The following INCENP variants were observed in gnomAD, a reference collection of about 807,000 sequenced individuals.
INCENP encodes inner centromere protein, also known as binds and activates aurora-B and -C in vivo and in vitro.
Under a neutral mutation model 107.3 loss-of-function variants are expected in INCENP, and 43 were observed. The ratio of observed to expected loss-of-function variants is 0.40; its 90% confidence interval spans 0.31 to 0.52. The LOEUF (loss-of-function observed/expected upper bound fraction) is 0.52. Ranked by LOEUF, INCENP falls within the 20% of genes least tolerant of loss-of-function variation. The pLI is 0.53. For synonymous variants in INCENP, 488 were observed against 494.4 expected (o/e 0.99, Z 0.17); for missense variants, 1,089 against 1,250.9 (o/e 0.87, Z 1.95).
At chr11:62,144,824 T>C in intron 11 of INCENP, 158 bp from the exon 12 acceptor site, 1 of 783,620 alleles carries the variant, frequency 1.3e-6, no homozygotes, top group Non-Finnish European at 2.3e-6. Flanking sequence ...TTGGCTTGGG[T>C]GCTGTTGGGG....
chr11:62,137,620 A>G (rs1288158885), intron 4 of INCENP, among the ~76,000 whole-genome samples: 2 of 152,166 alleles, frequency 1.3e-5, no homozygotes, highest in East Asian at 3.9e-4. Flanking sequence ...TGGGAAGACC[A>G]TCTGGGAAGC....
intron 18 of INCENP, 47 bp downstream of exon 18, chr11:62,150,254 C>T: frequency 6.3e-7 from 1 of 1,599,818 alleles, no homozygotes. Context: ...CCTCCCTGGT[C>T]CTCACCTTGA....
At chr11:62,144,317 G>A (rs1944188674) in intron 11 of INCENP, among the ~76,000 whole-genome samples, 1 of 139,834 alleles carries the variant, frequency 7.2e-6, no homozygotes, top group Admixed American at 7.6e-5. Context: ...GGGTGACAGA[G>A]CAGACTCTGT....
intron 11 of INCENP, 174 bp downstream of exon 11, chr11:62,141,685 T>C: frequency 1.2e-6 from 1 of 842,230 alleles, no homozygotes; most frequent in African/African-American, 1.7e-5. Flanking sequence ...CGCCCAGCAG[T>C]TCTGGGCCCC....
Position 62,152,158 on chromosome 11 carries a change from C to G in INCENP, c.*182C>G, listed in dbSNP as rs907923807. The G allele has an allele frequency of 9.8e-5, 5 of 51,250 alleles. No homozygotes were observed. The highest frequency in any genetic ancestry group is 4.8e-4 in the African/African-American group (5 of 10,472). The allele number at this position is 51,250 out of a possible 1,614,324, so 3.2% of individuals were successfully genotyped here. A position where few individuals can be genotyped will look rare whatever the true frequency, so the allele number is the denominator to read the frequency against. The stretch of plus-strand genomic sequence containing the variant: ...CTGCAGGTGGCAGGTGGCCCCAGGC[C>G]TGTTTGGAGGATGGGCTGGGTGGGT... On this transcript the variant is annotated 3_prime_UTR_variant, in exon 19 of 19. Coordinates refer to ENST00000394818, the MANE Select transcript of INCENP (RefSeq NM_001040694.2).
intron 11 of INCENP, among the ~76,000 whole-genome samples, chr11:62,143,647 G>A (rs1383341467): frequency 6.6e-6 from 1 of 152,178 alleles, no homozygotes; most frequent in Non-Finnish European, 1.5e-5. Flanking sequence ...TCCGTCTTTG[G>A]GAGGATGGTA....
chr11:62,135,446 G>A (rs775975140), intron 4 of INCENP, among the ~76,000 whole-genome samples: 87 of 151,980 alleles, frequency 5.7e-4, no homozygotes, highest in Non-Finnish European at 5.1e-4. Context: ...TGTCTTTTCA[G>A]TAGAGACGGG....
chr11:62,129,529 G>C (rs996832608), intron 3 of INCENP, among the ~76,000 whole-genome samples: 1 of 152,208 alleles, frequency 6.6e-6, no homozygotes, highest in Admixed American at 6.5e-5. Flanking sequence ...CGGAGGTTTG[G>C]ATGAATATAA....
Position 62,141,770 on chromosome 11 carries a change from G to T in INCENP, c.1605+259G>T. The stretch of plus-strand genomic sequence containing the variant: ...CAAGGGGGTGTGGCTTTTCACCAGG[G>T]CTACAGCTTGATGTGTTCTCCACAG... On this transcript the variant is annotated intron_variant, in intron 11 of 18. Coordinates refer to ENST00000394818, the MANE Select transcript of INCENP (RefSeq NM_001040694.2). The T allele has an allele frequency of 1.2e-5, 7 of 586,110 alleles. No individual in the cohort carries two copies. The South Asian group carries it at 1.4e-4, about 12-fold the overall frequency. The allele number at this position is 586,110 out of a possible 1,614,324, so 36.3% of individuals were successfully genotyped here.
intron 11 of INCENP, among the ~76,000 whole-genome samples, chr11:62,144,280 C>T (rs191790801): frequency 7.0e-4 from 106 of 151,004 alleles, no homozygotes; most frequent in African/African-American, 2.5e-3. Flanking sequence ...TGCAGTGAGC[C>T]GAGATCGCGC....
At chr11:62,128,594 G>C (rs1389196424) in intron 2 of INCENP, among the ~76,000 whole-genome samples, 176 bp from the exon 3 acceptor site, 1 of 152,234 alleles carries the variant, frequency 6.6e-6, no homozygotes, top group Non-Finnish European at 1.5e-5. Flanking sequence ...GTGTCTCCAG[G>C]AGGAAGCCCT....
chr11:62,145,159 T>C lies in INCENP; in HGVS notation c.1716-10T>C. The C allele has an allele frequency of 3.7e-6, 6 of 1,614,078 alleles. No individual in the cohort carries two copies. The highest frequency in any genetic ancestry group is 5.1e-6 in the Non-Finnish European group (6 of 1,179,996). On this transcript the variant is annotated splice_polypyrimidine_tract_variant and intron_variant, in intron 12 of 18. Transcript: ENST00000394818. ...GGTGGGGCTCCCCATGACTATCCTA[T>C]GCCCCGCAGGAAGCGTGAGGAACGC...
rs1944226925 is a variant in INCENP, at chr11:62,145,697, G to A, written c.1905G>A (p.Val635=). The A allele has an allele frequency of 6.4e-7, 1 of 1,564,740 alleles. No homozygotes were observed. Among genetic ancestry groups the A allele is most frequent in the Non-Finnish European group, 8.7e-7 (1 of 1,154,658 alleles). The part of the protein sequence containing the change: ...KKAAAKKMEE[V]EARRKQEEEA... ...CGGCGGCCAAGAAGATGGAGGAGGTGGAAGCACGCAGGAAGCAGGAAGAGG... is the reference window on the plus strand; with the variant it reads ...CGGCGGCCAAGAAGATGGAGGAGGTAGAAGCACGCAGGAAGCAGGAAGAGG... The change falls in exon 14 of 19, where the codon GTG becomes GTA. Residue 635 remains valine (V), a synonymous_variant. Transcript: ENST00000394818.
chr11:62,150,022 A>G (rs1355295523), intron 17 of INCENP, 35 bp from the exon 18 acceptor site: 13 of 1,608,248 alleles, frequency 8.1e-6, no homozygotes, highest in East Asian at 2.2e-5. Context: ...TGGGAATGCC[A>G]TGGAGGGAAC....
At chr11:62,139,964 A>G (rs867326239) in intron 7 of INCENP, among the ~76,000 whole-genome samples, 1 of 152,088 alleles carries the variant, frequency 6.6e-6, no homozygotes, top group African/African-American at 2.4e-5. Context: ...TTTTTAGTAG[A>G]GGCCGGGTTT....
chr11:62,147,214 G>T (rs939093168), intron 15 of INCENP, among the ~76,000 whole-genome samples: 1 of 152,134 alleles, frequency 6.6e-6, no homozygotes, highest in Non-Finnish European at 1.5e-5. Flanking sequence ...GGCCACCATG[G>T]GCATTTTGGG....
chr11:62,134,776 G>A (rs755890157), intron 4 of INCENP, among the ~76,000 whole-genome samples: 1 of 152,170 alleles, frequency 6.6e-6, no homozygotes, highest in Admixed American at 6.6e-5. Context: ...AACTGGACGG[G>A]CGAGGTGGCT....
intron 4 of INCENP, among the ~76,000 whole-genome samples, chr11:62,132,236 G>C (rs994678886): frequency 1.3e-5 from 2 of 152,240 alleles, no homozygotes; most frequent in Non-Finnish European, 2.9e-5. Context: ...GGAAACTGAG[G>C]CTTAAGGAGG....
In INCENP at chr11:62,152,374, T is replaced by C. The variant is rs1012310440; in HGVS notation, c.*398T>C. On this transcript the variant is annotated 3_prime_UTR_variant, in exon 19 of 19. Coordinates refer to ENST00000394818, the MANE Select transcript of INCENP (RefSeq NM_001040694.2). ...ACTGGGCGCCTCAGTCCCAGCCCTG[T>C]AGCTGTGTGTCTTGGGCCACCAGTG... The C allele has an allele frequency of 9.2e-6, 2 of 217,784 alleles. No homozygotes were observed. Among genetic ancestry groups the C allele is most frequent in the South Asian group, 1.5e-4 (2 of 13,464 alleles). The allele number at this position is 217,784 out of a possible 1,614,324, so 13.5% of individuals were successfully genotyped here. A position where few individuals can be genotyped will look rare whatever the true frequency, so the allele number is the denominator to read the frequency against.
Sources: gnomAD v4.1 joint callset for allele counts (sites outside exome capture counted in the v4.1 genomes callset) on GRCh38, gnomAD v4.1.1 for gene constraint, MANE v1.5 for transcripts, NCBI Gene and HGNC (gene_info 2026-07-23, HGNC 2026-07-21) for gene names.